PPM1L: variants seen among roughly 807,000 people sequenced by gnomAD.
The protein encoded by PPM1L is protein phosphatase 1L.
PPM1L carries 13 observed loss-of-function variants against 31.4 expected under a neutral mutation model. The ratio of observed to expected loss-of-function variants is 0.41; its 90% CI spans 0.27 to 0.66. The LOEUF is 0.66. PPM1L is among the 30% of genes least tolerant of loss of function. The pLI, the probability that PPM1L is intolerant of heterozygous loss-of-function variation, is 0.29. For missense variants in PPM1L, 326 were observed against 453.7 expected (o/e 0.72, Z 2.56); for synonymous variants, 184 against 175.4 (o/e 1.05, Z -0.39).
At chr3:160,865,150 A>T (rs1262304862) in intron 1 of PPM1L, among the ~76,000 whole-genome samples, 1 of 152,240 alleles carries the variant, frequency 6.6e-6, no homozygotes, top group African/African-American at 2.4e-5. Flanking sequence ...TGGGAAAGTC[A>T]ATAATTGAGG....
At chr3:160,758,383 C>T (rs2108053072) in intron 1 of PPM1L, among the ~76,000 whole-genome samples, 2 of 151,808 alleles carry the variant, frequency 1.3e-5, no homozygotes, top group South Asian at 4.2e-4. Context: ...TGATTCCTTC[C>T]TTTGTAAATC....
chr3:160,969,679 A>T lies in PPM1L; in HGVS notation c.574+7769A>T, dbSNP rs533098788. Among the ~76,000 whole-genome samples the T allele has an allele frequency of 2.6e-5, 4 of 152,362 alleles. No individual in the cohort carries two copies. In the East Asian group the frequency reaches 7.7e-4, roughly 29 times the overall value. On this transcript the variant is annotated intron_variant, in intron 2 of 3. Coordinates refer to ENST00000498165, the MANE Select transcript of PPM1L (RefSeq NM_139245.4). The stretch of plus-strand genomic sequence containing the variant: ...ATCTTCAATCAGGACCCCATTTCTT[A>T]GCTCAAAAGATACCCTCTCCAGGGA...
intron 1 of PPM1L, among the ~76,000 whole-genome samples, chr3:160,814,969 A>G (rs1436827406): frequency 6.6e-6 from 1 of 152,124 alleles, no homozygotes; most frequent in Admixed American, 6.5e-5. Context: ...GCAAAGGCAT[A>G]AGAATGATAC....
At chr3:160,827,035 G>A (rs1713372619) in intron 1 of PPM1L, among the ~76,000 whole-genome samples, 1 of 152,164 alleles carries the variant, frequency 6.6e-6, no homozygotes, top group African/African-American at 2.4e-5. Context: ...ATTTGTGTGC[G>A]ACAAAATGTG....
At chr3:160,910,780 AGTT>A (rs1713946158) in intron 1 of PPM1L, among the ~76,000 whole-genome samples, 1 of 152,048 alleles carries the variant, frequency 6.6e-6, no homozygotes, top group Non-Finnish European at 1.5e-5. Context: ...TGTTTCTTTT[AGTT>A]GTTGTGCTTT....
intron 2 of PPM1L, among the ~76,000 whole-genome samples, chr3:161,023,003 AT>A (rs1434387966): frequency 2.6e-5 from 4 of 152,084 alleles, no homozygotes; most frequent in African/African-American, 4.8e-5. Flanking sequence ...TGGATGGAGA[AT>A]TCTTTGTTGA....
At position 160,881,744 on chromosome 3, in the gene PPM1L, G is replaced by A. The variant is rs536320624; in HGVS notation, c.400-79992G>A. Among the ~76,000 whole-genome samples, 3 of 152,274 alleles carry A rather than the reference G, an allele frequency of 2.0e-5. No individual in the cohort carries two copies. The South Asian group carries it at 6.2e-4, about 32-fold the overall frequency. On this transcript the variant is annotated intron_variant, in intron 1 of 3. Transcript: ENST00000498165. ...CTTATCTCCCAAGATGCTCCTCAGA[G>A]TGGTCAAGTAAGAGGTATGTATTCC...
chr3:160,888,242 T>A (rs572156959), intron 1 of PPM1L, among the ~76,000 whole-genome samples: 1 of 152,282 alleles, frequency 6.6e-6, no homozygotes, highest in South Asian at 2.1e-4. Flanking sequence ...ACTGGCAAGT[T>A]GGATACAGAG....
chr3:160,820,993 A>T (rs1713184089), intron 1 of PPM1L, among the ~76,000 whole-genome samples: 1 of 152,126 alleles, frequency 6.6e-6, no homozygotes, highest in African/African-American at 2.4e-5. Context: ...TGTTTGAACC[A>T]GTTTATACCC....
intron 1 of PPM1L, among the ~76,000 whole-genome samples, chr3:160,829,452 T>A (rs1193526674): frequency 6.6e-6 from 1 of 152,134 alleles, no homozygotes; most frequent in Non-Finnish European, 1.5e-5. Context: ...CTTTTCACAC[T>A]CTTCTGATTA....
intron 1 of PPM1L, among the ~76,000 whole-genome samples, chr3:160,851,038 T>C (rs754424932): frequency 8.6e-5 from 13 of 152,038 alleles, no homozygotes; most frequent in Non-Finnish European, 1.8e-4. Context: ...GTAAATACGG[T>C]CATTTTTATA....
At chr3:160,992,910 G>A (rs1022090654) in intron 2 of PPM1L, among the ~76,000 whole-genome samples, 4 of 152,134 alleles carry the variant, frequency 2.6e-5, no homozygotes, top group Admixed American at 1.3e-4. Flanking sequence ...AAGACAGATC[G>A]TTCTCAAGGG....
At chr3:160,936,846 A>G (rs1386900861) in intron 1 of PPM1L, among the ~76,000 whole-genome samples, 3 of 152,192 alleles carry the variant, frequency 2.0e-5, no homozygotes, top group African/African-American at 4.8e-5. Context: ...GTGGAGCCTC[A>G]TATGTATTGA....
chr3:160,949,109 A>G (rs1466737285), intron 1 of PPM1L, among the ~76,000 whole-genome samples: 1 of 152,176 alleles, frequency 6.6e-6, no homozygotes, highest in Non-Finnish European at 1.5e-5. Context: ...GTGACTTAGA[A>G]GCAGTTGGTT....
At chr3:160,846,562 T>C (rs1471951244) in intron 1 of PPM1L, among the ~76,000 whole-genome samples, 3 of 152,166 alleles carry the variant, frequency 2.0e-5, no homozygotes, top group South Asian at 2.1e-4. Flanking sequence ...AATAAGTCTT[T>C]TAAAGTACAA....
chr3:160,814,385 G>A (rs1712900289), intron 1 of PPM1L, among the ~76,000 whole-genome samples: 1 of 152,010 alleles, frequency 6.6e-6, no homozygotes, highest in Non-Finnish European at 1.5e-5. Flanking sequence ...GCACATGCAT[G>A]TTTATGGCAG....
At chr3:160,774,416 C>T (rs1711509691) in intron 1 of PPM1L, among the ~76,000 whole-genome samples, 1 of 152,158 alleles carries the variant, frequency 6.6e-6, no homozygotes, top group Admixed American at 6.5e-5. Flanking sequence ...TGGCATCTCT[C>T]TTCTTCAATC....
Position 161,013,764 on chromosome 3 carries a change from T to G in PPM1L, c.575-51639T>G, listed in dbSNP as rs145423206. 6.9e-4 allele frequency among the ~76,000 whole-genome samples: 105 copies of G among 152,334 alleles called. 1 individual carries two copies. The highest frequency in any genetic ancestry group is 2.4e-3 in the African/African-American group (101 of 41,572). ...TCGGTCTTCTTGTTGAATTGATACC[T>G]TTACCATTATGTAATGACCTTCTTT... On this transcript the variant is annotated intron_variant, in intron 2 of 3. Transcript: ENST00000498165.
At chr3:160,830,801 A>G (rs1713503799) in intron 1 of PPM1L, among the ~76,000 whole-genome samples, 1 of 152,200 alleles carries the variant, frequency 6.6e-6, no homozygotes, top group East Asian at 1.9e-4. Flanking sequence ...AATAGTTTAA[A>G]AATAGTTTCA....
Sources: allele counts gnomAD v4.1 joint callset (sites outside exome capture counted in the v4.1 genomes callset), GRCh38; gene constraint gnomAD v4.1.1; transcripts MANE v1.5; gene names NCBI Gene and HGNC (gene_info 2026-07-23, HGNC 2026-07-21).